The following RBM33 variants were observed in gnomAD, a reference collection of about 807,000 sequenced individuals.
The protein encoded by RBM33 is RNA binding motif protein 33.
RBM33 carries 28 observed loss-of-function variants against 132.6 expected under a neutral mutation model. The ratio of observed to expected loss-of-function variants is 0.21; its 90% CI spans 0.16 to 0.29. RBM33 has a LOEUF of 0.29. Among genes scored for constraint, RBM33 ranks in the 10% least tolerant of loss-of-function variants. The probability of loss-of-function intolerance (pLI) is 1.00; values close to 1 mark genes in which losing one functional copy is unlikely to be tolerated. For synonymous variants in RBM33, 634 were observed against 593.0 expected, an observed-to-expected ratio of 1.07 and a Z score of -1.01; for missense variants, 1,291 against 1,518.5, an observed-to-expected ratio of 0.85 and a Z score of 2.49.
intron 15 of RBM33, among the ~76,000 whole-genome samples, chr7:155,765,517 C>T: frequency 6.6e-6 from 1 of 152,158 alleles, no homozygotes; most frequent in Admixed American, 6.5e-5. Context: ...GGTTCTATTC[C>T]AGTTTCCACC....
At chr7:155,720,316 G>A (rs1049119685) in intron 9 of RBM33, among the ~76,000 whole-genome samples, 3 of 152,122 alleles carry the variant, frequency 2.0e-5, no homozygotes, top group African/African-American at 4.8e-5. Context: ...GGGGTATAGC[G>A]CGTGCAGTGC....
intron 5 of RBM33, among the ~76,000 whole-genome samples, chr7:155,697,942 TGAAA>T (rs1227326584): frequency 6.6e-6 from 1 of 152,234 alleles, no homozygotes; most frequent in Non-Finnish European, 1.5e-5. Context: ...TATAGTGAAA[TGAAA>T]GATTTACATG....
chr7:155,673,177 C>T (rs545259271), intron 3 of RBM33, among the ~76,000 whole-genome samples: 5 of 151,300 alleles, frequency 3.3e-5, no homozygotes, highest in Non-Finnish European at 4.4e-5. Flanking sequence ...ATTGTGACAG[C>T]GTTAACATAG....
At chr7:155,747,756 C>G (rs549884380) in intron 14 of RBM33, among the ~76,000 whole-genome samples, 37 of 152,346 alleles carry the variant, frequency 2.4e-4, no homozygotes, top group African/African-American at 8.9e-4. Flanking sequence ...AGGGTTTACT[C>G]AGTCCCCTCC....
chr7:155,698,377 A>G (rs977108562), intron 5 of RBM33, among the ~76,000 whole-genome samples: 1 of 152,144 alleles, frequency 6.6e-6, no homozygotes, highest in African/African-American at 2.4e-5. Flanking sequence ...AGGGAAAAAA[A>G]AAAATTATAC....
chr7:155,645,048 A>C (rs1343006830), intron 1 of RBM33, 129 bp downstream of exon 1: 2 of 644,242 alleles, frequency 3.1e-6, no homozygotes, highest in Non-Finnish European at 4.9e-6. Context: ...TGTTCGGCCT[A>C]TTCCGTTTTC....
At chr7:155,754,148 A>G (rs572500377) in intron 14 of RBM33, among the ~76,000 whole-genome samples, 1 of 152,320 alleles carries the variant, frequency 6.6e-6, no homozygotes, top group Non-Finnish European at 1.5e-5. Context: ...GAATTTCCAT[A>G]CTCATTAATT....
chr7:155,675,565 G>A (rs1282947931), intron 3 of RBM33, among the ~76,000 whole-genome samples: 6 of 151,976 alleles, frequency 3.9e-5, no homozygotes, highest in Non-Finnish European at 7.4e-5. Flanking sequence ...GGGCAGTATC[G>A]TTTACTCTCA....
chr7:155,706,095 G>A (rs929685473), intron 6 of RBM33, among the ~76,000 whole-genome samples: 14 of 152,170 alleles, frequency 9.2e-5, no homozygotes, highest in Non-Finnish European at 2.9e-5. Flanking sequence ...TTGCGTCTAT[G>A]TGCCATCGTA....
At chr7:155,674,464 T>G (rs1799119330) in intron 3 of RBM33, among the ~76,000 whole-genome samples, 1 of 152,218 alleles carries the variant, frequency 6.6e-6, no homozygotes, top group Admixed American at 6.5e-5. Flanking sequence ...ATTAAAAGGT[T>G]TAAATGTAGT....
intron 9 of RBM33, among the ~76,000 whole-genome samples, chr7:155,736,789 T>C (rs1196352560): frequency 2.0e-5 from 3 of 152,258 alleles, no homozygotes; most frequent in Non-Finnish European, 4.4e-5. Flanking sequence ...TTTAAAAAGA[T>C]AAATGTCATG....
At position 155,763,959 on chromosome 7, in the gene RBM33, G is replaced by A. The variant is rs376971144; in HGVS notation, c.3127G>A (p.Ala1043Thr). Residue 1043 changes from alanine to threonine, a missense_variant, in exon 15 of 18, where the codon GCA (alanine) becomes ACA (threonine). Ala to Thr is a moderately conservative substitution (Grantham distance 58, BLOSUM62 0). Transcript: ENST00000401878. Reference protein sequence around the residue: ...QPPHLPAGPHAHSPVPPGIKS... With the variant: ...QPPHLPAGPHTHSPVPPGIKS... The stretch of plus-strand genomic sequence containing the variant: ...CCCACATCTGCCAGCGGGGCCCCAC[G>A]CACACTCGCCTGTCCCTCCAGGGAT... 1.2e-5 allele frequency: 19 copies of A among 1,596,942 alleles called. No homozygotes were observed. The highest frequency in any genetic ancestry group is 1.1e-4 in the East Asian group (5 of 44,182).
At chr7:155,768,079 T>G (rs1802283747) in intron 16 of RBM33, among the ~76,000 whole-genome samples, 1 of 152,244 alleles carries the variant, frequency 6.6e-6, no homozygotes, top group South Asian at 2.1e-4. Flanking sequence ...TTTGGGGCGA[T>G]CTGCACTTCC....
At chr7:155,705,391 T>C (rs1157143515) in intron 6 of RBM33, among the ~76,000 whole-genome samples, 1 of 152,092 alleles carries the variant, frequency 6.6e-6, no homozygotes, top group Non-Finnish European at 1.5e-5. Context: ...TGTGAACTAA[T>C]CATGTAGTCA....
At chr7:155,663,411 G>A (rs1798710084) in intron 1 of RBM33, among the ~76,000 whole-genome samples, 1 of 151,870 alleles carries the variant, frequency 6.6e-6, no homozygotes, top group East Asian at 1.9e-4. Context: ...ATGGTGGAAG[G>A]CCAAGCAGGA....
In RBM33 at chr7:155,711,089, C is replaced by T. The variant is rs59471694; in HGVS notation, c.949-114C>T. The T allele has an allele frequency of 2.4e-3, 3,318 of 1,362,530 alleles. 75 individuals carry two copies. In the African/African-American group the frequency reaches 0.045, roughly 18 times the overall value. The allele number at this position is 1,362,530 out of a possible 1,614,324, so 84.4% of individuals were successfully genotyped here. A position where few individuals can be genotyped will look rare whatever the true frequency, so the allele number is the denominator to read the frequency against. On this transcript the variant is annotated intron_variant, in intron 7 of 17. Coordinates refer to ENST00000401878, the MANE Select transcript of RBM33 (RefSeq NM_053043.3). ...TTCTTACATTGTAACTTAAAAAATG[C>T]AATCAGTGTAAATTTGTAACACATC...
In RBM33 at chr7:155,738,262, G is replaced by A. The variant is rs1801195048; in HGVS notation, c.1596G>A (p.Leu532=). Residue 532 remains leucine, a synonymous_variant, in exon 11 of 18, where the codon TTG becomes TTA. Coordinates refer to ENST00000401878, the MANE Select transcript of RBM33 (RefSeq NM_053043.3). Reference sequence around the variant, plus strand: ...GAGAGCGGCCCGTACGACCAGCCTTGCAGCCTCCAGGTCCGGTGGGGATTC... The same window carrying A: ...GAGAGCGGCCCGTACGACCAGCCTTACAGCCTCCAGGTCCGGTGGGGATTC... ...FPRERPVRPA[L]QPPGPVGILH... The A allele has an allele frequency of 1.9e-6, 3 of 1,613,936 alleles. No individual in the cohort carries two copies. The highest frequency in any genetic ancestry group is 2.5e-6 in the Non-Finnish European group (3 of 1,179,880).
At chr7:155,674,898 T>C (rs1799133023) in intron 3 of RBM33, among the ~76,000 whole-genome samples, 1 of 152,198 alleles carries the variant, frequency 6.6e-6, no homozygotes, top group African/African-American at 2.4e-5. Context: ...TTGTACCTTA[T>C]AGGAATCAAG....
chr7:155,735,729 C>G (rs1801104646), intron 9 of RBM33, among the ~76,000 whole-genome samples: 1 of 87,078 alleles, frequency 1.1e-5, no homozygotes, highest in South Asian at 3.2e-4. Context: ...GTCTCTCTCT[C>G]TCTCTCTCTC....
Sources: gnomAD v4.1 joint callset for allele counts (sites outside exome capture counted in the v4.1 genomes callset) on GRCh38, gnomAD v4.1.1 for gene constraint, MANE v1.5 for transcripts, NCBI Gene and HGNC (gene_info 2026-07-23, HGNC 2026-07-21) for gene names.